The following ASTN1 variants were observed in gnomAD, a reference collection of about 807,000 sequenced individuals.
ASTN1 encodes the protein astrotactin-1.
In ASTN1, 41 loss-of-function variants were observed where a neutral mutation model predicts 140.7. The ratio of observed to expected loss-of-function variants is 0.29; its 90% confidence interval spans 0.23 to 0.38. ASTN1 has a LOEUF of 0.38. Ranked by LOEUF, ASTN1 falls within the 10% of genes least tolerant of loss-of-function variation. ASTN1 has a pLI of 1.00. For synonymous variants in ASTN1, 640 were observed against 652.2 expected (o/e 0.98, Z 0.29); for missense variants, 1,479 against 1,678.8 (o/e 0.88, Z 2.08).
At chr1:177,014,592 C>T (rs1319783207) in intron 8 of ASTN1, among the ~76,000 whole-genome samples, 199 bp downstream of exon 8, 2 of 152,130 alleles carry the variant, frequency 1.3e-5, no homozygotes, top group Middle Eastern at 3.4e-3. Context: ...GTCAGAGGCT[C>T]GTAAATGGAG....
chr1:177,017,336 G>T (rs915439554), intron 7 of ASTN1, among the ~76,000 whole-genome samples: 22 of 152,124 alleles, frequency 1.4e-4, no homozygotes, highest in Admixed American at 3.3e-4. Context: ...TCCAAAATTT[G>T]CCTCTCACAG....
intron 16 of ASTN1, 36 bp from the exon 17 acceptor site, chr1:176,894,866 T>G (rs750863548): frequency 6.2e-7 from 1 of 1,608,280 alleles, no homozygotes; most frequent in East Asian, 2.2e-5. Flanking sequence ...AGTGAAGGAG[T>G]CAAAAAAGTA....
chr1:176,941,794 A>G (rs944089745), intron 14 of ASTN1, among the ~76,000 whole-genome samples: 1 of 152,210 alleles, frequency 6.6e-6, no homozygotes, highest in Admixed American at 6.5e-5. Context: ...GTATCTTATT[A>G]CTGGTGTGGT....
intron 7 of ASTN1, among the ~76,000 whole-genome samples, chr1:177,015,437 C>T (rs756658520): frequency 1.1e-4 from 16 of 152,282 alleles, no homozygotes; most frequent in Middle Eastern, 3.4e-3. Context: ...TCCCACCATG[C>T]CAGGCTGCTA....
chr1:177,149,393 GTATATATATAGTAAA>G (rs1682902600), intron 1 of ASTN1, among the ~76,000 whole-genome samples: 1 of 61,784 alleles, frequency 1.6e-5, no homozygotes, highest in South Asian at 5.3e-4. Flanking sequence ...AATATATATA[GTATATATATAGTAAA>G]TATATATATA....
chr1:177,089,897 A>C (rs1191923373), intron 1 of ASTN1, among the ~76,000 whole-genome samples: 1 of 152,142 alleles, frequency 6.6e-6, no homozygotes, highest in Admixed American at 6.6e-5. Context: ...AGCAGTTTTT[A>C]CTTCAATTAA....
chr1:176,961,797 C>T (rs1255752558), intron 9 of ASTN1, among the ~76,000 whole-genome samples: 1 of 152,170 alleles, frequency 6.6e-6, no homozygotes, highest in Non-Finnish European at 1.5e-5. Flanking sequence ...GCAGGAACAA[C>T]TTCAAAAAGC....
intron 21 of ASTN1, 125 bp downstream of exon 21, chr1:176,876,412 A>T: frequency 9.9e-7 from 1 of 1,008,722 alleles, no homozygotes; most frequent in Non-Finnish European, 1.5e-6. Context: ...CTGGGCCTTG[A>T]ATTCTCCTTC....
intron 1 of ASTN1, among the ~76,000 whole-genome samples, chr1:177,120,238 C>T (rs988029824): frequency 2.6e-5 from 4 of 152,208 alleles, no homozygotes; most frequent in African/African-American, 7.2e-5. Context: ...GCAACAATCA[C>T]ACTCACCTTA....
At chr1:177,081,203 G>A (rs1679164494) in intron 1 of ASTN1, among the ~76,000 whole-genome samples, 1 of 152,150 alleles carries the variant, frequency 6.6e-6, no homozygotes, top group Non-Finnish European at 1.5e-5. Flanking sequence ...AGGAAGAAAG[G>A]TCAAGGAGCT....
Position 176,881,421 on chromosome 1 carries a change from A to G in ASTN1, c.3362+1438T>C, listed in dbSNP as rs992189771. On this transcript the variant is annotated intron_variant, in intron 20 of 22. Transcript: ENST00000361833. ...GCACTCCTAATACCACTTCTTGTAC[A>G]TTGGAACTTTGGAATTCCTAAGTAA... Among the ~76,000 whole-genome samples, 9 of 152,156 alleles carry G rather than the reference A, an allele frequency of 5.9e-5. 1 individual carries two copies. The highest frequency in any genetic ancestry group is 3.9e-4 in the Admixed American group (6 of 15,266).
At chr1:176,899,112 C>G (rs1200580551) in intron 16 of ASTN1, among the ~76,000 whole-genome samples, 2 of 152,176 alleles carry the variant, frequency 1.3e-5, no homozygotes, top group African/African-American at 4.8e-5. Context: ...AGTTAACAAT[C>G]CTAAAACTGC....
At chr1:176,881,180 C>T (rs1034106093) in intron 20 of ASTN1, among the ~76,000 whole-genome samples, 12 of 152,214 alleles carry the variant, frequency 7.9e-5, no homozygotes, top group African/African-American at 2.9e-4. Context: ...TGCAGCGCCA[C>T]CTGGTGGAGA....
chr1:177,085,316 C>G (rs1277571318), intron 1 of ASTN1, among the ~76,000 whole-genome samples: 3 of 152,080 alleles, frequency 2.0e-5, no homozygotes, highest in Non-Finnish European at 4.4e-5. Flanking sequence ...GGAAAAGTAT[C>G]TGGTTGTATA....
chr1:177,113,798 C>A (rs1680939177), intron 1 of ASTN1, among the ~76,000 whole-genome samples: 1 of 152,198 alleles, frequency 6.6e-6, no homozygotes, highest in Non-Finnish European at 1.5e-5. Flanking sequence ...GAAGCTCTAC[C>A]TAATCTTGAT....
chr1:176,988,947 T>A (rs1674034785), intron 8 of ASTN1, among the ~76,000 whole-genome samples: 2 of 152,196 alleles, frequency 1.3e-5, no homozygotes. Context: ...GCTGCAATTG[T>A]CACCCATTTG....
intron 1 of ASTN1, among the ~76,000 whole-genome samples, chr1:177,134,178 A>G (rs779011428): frequency 6.6e-6 from 1 of 152,246 alleles, no homozygotes; most frequent in African/African-American, 2.4e-5. Flanking sequence ...ACAGATTAGT[A>G]ATGGATTGCA....
At position 177,017,197 on chromosome 1, in the gene ASTN1, G is replaced by A. The variant is rs148212731; in HGVS notation, c.1439-2322C>T. Among the ~76,000 whole-genome samples, 557 of 152,226 alleles carry A rather than the reference G, an allele frequency of 3.7e-3. 4 individuals are homozygous for A. Among genetic ancestry groups the A allele is most frequent in the Non-Finnish European group, 4.9e-3 (334 of 68,024 alleles). On this transcript the variant is annotated intron_variant, in intron 7 of 22. Coordinates refer to ENST00000361833, the MANE Select transcript of ASTN1 (RefSeq NM_004319.3). ...GTCATTATCTCCTTATGAGGCTTCC[G>A]TCACTCATTACAATGTGGGGACATA...
At chr1:176,967,730 G>C (rs985524397) in intron 8 of ASTN1, among the ~76,000 whole-genome samples, 3 of 152,292 alleles carry the variant, frequency 2.0e-5, no homozygotes, top group Middle Eastern at 3.4e-3. Context: ...AATGAGCTTG[G>C]ACATATTTAT....
Sources: gnomAD v4.1 joint callset for allele counts (sites outside exome capture counted in the v4.1 genomes callset) on GRCh38, gnomAD v4.1.1 for gene constraint, MANE v1.5 for transcripts, NCBI Gene and HGNC (gene_info 2026-07-23, HGNC 2026-07-21) for gene names.